UBR2: variants seen among roughly 807,000 people sequenced by gnomAD.
UBR2 encodes the protein ubiquitin protein ligase E3 component n-recognin 2, also known as E3 ubiquitin-protein ligase UBR2.
UBR2 carries 92 observed loss-of-function variants against 247.9 expected under a neutral mutation model. The observed-to-expected ratio is 0.37, with a 90% CI of 0.31 to 0.44. The LOEUF (loss-of-function observed/expected upper bound fraction) is 0.44. UBR2 is among the 20% of genes least tolerant of loss of function. The pLI, the probability that UBR2 is intolerant of heterozygous loss-of-function variation, is 1.00. For missense variants in UBR2, 1,613 were observed against 2,112.6 expected (o/e 0.76, Z 4.64); for synonymous variants, 672 against 693.5 (o/e 0.97, Z 0.49).
rs60082698 is a variant in UBR2 at position 42,593,652 on chromosome 6, G to A, written c.418-539G>A. 9.2e-3 allele frequency among the ~76,000 whole-genome samples: 1,393 copies of A among 152,168 alleles called. 19 individuals are homozygous for A. Among genetic ancestry groups the A allele is most frequent in the African/African-American group, 0.032 (1,329 of 41,506 alleles). Reference sequence around the variant, plus strand: ...GCAGGTGGTGAAAAGCTTTTATTAGGCAGTCTACTTTTGCATTTCCTGAGC... The same window carrying A: ...GCAGGTGGTGAAAAGCTTTTATTAGACAGTCTACTTTTGCATTTCCTGAGC... On this transcript the variant is annotated intron_variant, in intron 3 of 46. Transcript: ENST00000372901.
chr6:42,580,005 A>C (rs1315377983), intron 2 of UBR2, among the ~76,000 whole-genome samples: 3 of 151,354 alleles, frequency 2.0e-5, no homozygotes, highest in Non-Finnish European at 2.9e-5. Flanking sequence ...AGTTTATTTG[A>C]TTGACCTAAT....
At position 42,674,140 on chromosome 6, in the gene UBR2, G is replaced by A; in HGVS notation, c.4198G>A (p.Asp1400Asn). 6.2e-7 allele frequency: 1 copy of A among 1,613,770 alleles called. No individual in the cohort carries two copies. The highest frequency in any genetic ancestry group is 8.5e-7 in the Non-Finnish European group (1 of 1,179,944). The change falls in exon 38 of 47, where the codon GAC becomes AAC. Residue 1400 changes from aspartate to asparagine, a missense_variant. Physicochemically the swap from Asp to Asn is conservative, Grantham distance 23. This residue lies in a region of UBR2 where 1,524 missense variants were observed against 1,967.3 expected (regional missense o/e 0.77). Coordinates refer to ENST00000372901, the MANE Select transcript of UBR2 (RefSeq NM_001363705.2). ...CKLFASLVPN[D>N]SHEELPCILD... ...TAAATCTGTAGCACTGGTGCCTAAT[G>A]ACAGCCATGAGGAACTTCCATGCAT...
chr6:42,672,612 A>G (rs972291319), intron 36 of UBR2, among the ~76,000 whole-genome samples: 2 of 152,138 alleles, frequency 1.3e-5, no homozygotes, highest in African/African-American at 4.8e-5. Context: ...CCAGACTTGT[A>G]GAATCACTGC....
At position 42,640,261 on chromosome 6, in the gene UBR2, C is replaced by T; in HGVS notation, c.1911C>T (p.Leu637=). 6.2e-7 allele frequency: 1 copy of T among 1,606,824 alleles called. No individual in the cohort carries two copies. The highest frequency in any genetic ancestry group is 8.5e-7 in the Non-Finnish European group (1 of 1,177,510). ...AAGTGGCATATAAATTTCCAGAGCT[C>T]CTACCTCTAGTAAGTGGTGCTTACA... ...KSEVAYKFPE[L]LPLSELSPPM... Residue 637 remains leucine (L), a synonymous_variant, in exon 16 of 47, where the codon CTC becomes CTT. Coordinates refer to ENST00000372901, the MANE Select transcript of UBR2 (RefSeq NM_001363705.2).
chr6:42,632,479 T>C (rs1795809659), intron 11 of UBR2, 73 bp from the exon 12 acceptor site: 5 of 1,350,130 alleles, frequency 3.7e-6, no homozygotes, highest in Non-Finnish European at 4.9e-6. Flanking sequence ...TAAACAATGT[T>C]GGTGACTTTT....
intron 7 of UBR2, among the ~76,000 whole-genome samples, chr6:42,609,931 T>C (rs1195992335): frequency 1.3e-5 from 2 of 150,436 alleles, no homozygotes. Context: ...TGTTGATAGA[T>C]TTGAATAGAC....
At chr6:42,651,983 A>G (rs1330557963) in intron 23 of UBR2, 40 bp from the exon 24 acceptor site, 1 of 1,557,534 alleles carries the variant, frequency 6.4e-7, no homozygotes, top group South Asian at 1.2e-5. Context: ...GGTGGTGGGC[A>G]TTACTAATTC....
rs950759269 is a variant in UBR2, at chr6:42,659,428, G to A, written c.3243-228G>A. On this transcript the variant is annotated intron_variant, in intron 29 of 46. Transcript: ENST00000372901. This position sits in a 1 kb window ranked among gnomAD's most constrained non-coding sequence, Gnocchi z 4.3. ...AGTCAGGAGAATTGCTTGAACCTGC[G>A]AGGCGGAGGTTGCAGTGAGCCAAGA... Among the ~76,000 whole-genome samples the A allele has an allele frequency of 3.3e-5, 5 of 151,736 alleles. No homozygotes were observed. The highest frequency in any genetic ancestry group is 1.2e-4 in the African/African-American group (5 of 41,288).
Position 42,683,102 on chromosome 6 carries a change from A to G in UBR2, c.4766A>G (p.Asp1589Gly). 1 of 1,612,644 alleles carries G rather than the reference A, an allele frequency of 6.2e-7. No homozygotes were observed. ...EVKRYLEGER[D>G]AIRYPRESNK... is the part of the protein sequence containing the mutation. Reference sequence around the variant, plus strand: ...AAAAGATATCTAGAAGGTGAAAGAGATGCTATAAGGTAAGTTAAAGAGCCT... The same window carrying G: ...AAAAGATATCTAGAAGGTGAAAGAGGTGCTATAAGGTAAGTTAAAGAGCCT... The change falls in exon 43 of 47, where the codon GAT (aspartate) becomes GGT (glycine). Residue 1589 changes from aspartate to glycine, a missense_variant. Coordinates refer to ENST00000372901, the MANE Select transcript of UBR2 (RefSeq NM_001363705.2).
chr6:42,679,893 A>G, intron 42 of UBR2, 61 bp downstream of exon 42: 1 of 1,204,090 alleles, frequency 8.3e-7, no homozygotes, highest in Non-Finnish European at 1.2e-6. Flanking sequence ...AACTTTAGTT[A>G]TCACATATGT....
rs757049440 is a variant in UBR2, at chr6:42,588,233, C to T, written c.339-3918C>T. On this transcript the variant is annotated intron_variant, in intron 2 of 46. Coordinates refer to ENST00000372901, the MANE Select transcript of UBR2 (RefSeq NM_001363705.2). ...AGATATTATAAAGGATACAGAAGAA[C>T]AGCCAGATGGAAGAGACTTAATAGG... Among the ~76,000 whole-genome samples the T allele has an allele frequency of 7.0e-4, 106 of 152,222 alleles. 2 individuals carry two copies. The highest frequency in any genetic ancestry group is 3.4e-4 in the African/African-American group (14 of 41,454).
chr6:42,568,815 T>G (rs1790938299), intron 1 of UBR2, among the ~76,000 whole-genome samples: 2 of 152,238 alleles, frequency 1.3e-5, no homozygotes, highest in Non-Finnish European at 1.5e-5. Context: ...CAGAAGTGTT[T>G]TGGATTTTGG....
At chr6:42,569,129 C>T (rs946048520) in intron 1 of UBR2, among the ~76,000 whole-genome samples, 2 of 152,144 alleles carry the variant, frequency 1.3e-5, no homozygotes, top group African/African-American at 2.4e-5. Context: ...TTGCTGTGAA[C>T]ATTTTTTACA....
rs568656735 is a variant in UBR2, at chr6:42,616,140, C to G, written c.1182+50C>G. ...ATAGGTTATATATAGAGTAACTATG[C>G]CCATAATTATATCTAGGCTTCAAAA... On this transcript the variant is annotated intron_variant, in intron 10 of 46. Coordinates refer to ENST00000372901, the MANE Select transcript of UBR2 (RefSeq NM_001363705.2). The G allele has an allele frequency of 2.9e-5, 38 of 1,306,452 alleles. No individual in the cohort carries two copies. The South Asian group carries it at 5.0e-4, about 17-fold the overall frequency. 80.9% of individuals were successfully genotyped at this position (1,306,452 alleles called of 1,614,324 possible). A position where few individuals can be genotyped will look rare whatever the true frequency, so the allele number is the denominator to read the frequency against.
intron 34 of UBR2, among the ~76,000 whole-genome samples, 194 bp from the exon 35 acceptor site, chr6:42,669,898 C>A (rs978476693): frequency 6.6e-6 from 1 of 152,262 alleles, no homozygotes; most frequent in Middle Eastern, 3.4e-3. Context: ...CTGTGCCTCA[C>A]CCCTGCTAAG....
intron 13 of UBR2, among the ~76,000 whole-genome samples, 193 bp downstream of exon 13, chr6:42,633,097 TCTC>T (rs968231895): frequency 6.6e-6 from 1 of 151,794 alleles, no homozygotes; most frequent in Admixed American, 6.6e-5. Context: ...CTCTGGCAGT[TCTC>T]CTGCCTCAGC....
chr6:42,655,068 G>T (rs116714139), intron 25 of UBR2, among the ~76,000 whole-genome samples: 1,906 of 152,248 alleles, frequency 0.013, 35 homozygotes, highest in African/African-American at 0.042. Context: ...TGTAATTTTA[G>T]CTTACCCTGA....
At position 42,622,316 on chromosome 6, in the gene UBR2, G is replaced by A. The variant is rs570468510; in HGVS notation, c.1281+4809G>A. Among the ~76,000 whole-genome samples the A allele has an allele frequency of 3.9e-5, 6 of 151,998 alleles. No individual in the cohort carries two copies. The East Asian group carries it at 9.7e-4, about 24-fold the overall frequency. Reference sequence around the variant, plus strand: ...TTACAGGCGTGAGCCACTGCGCCTGGCCCCCATTCTTCTTTTGTTAGATTT... The same window carrying A: ...TTACAGGCGTGAGCCACTGCGCCTGACCCCCATTCTTCTTTTGTTAGATTT... On this transcript the variant is annotated intron_variant, in intron 11 of 46. Coordinates refer to ENST00000372901, the MANE Select transcript of UBR2 (RefSeq NM_001363705.2).
chr6:42,596,156 A>G (rs1478333153), intron 4 of UBR2, among the ~76,000 whole-genome samples: 1 of 149,442 alleles, frequency 6.7e-6, no homozygotes, highest in Non-Finnish European at 1.5e-5. Context: ...CTTACAACTC[A>G]GCAAGTAAAA....
Sources: gnomAD v4.1 joint callset for allele counts (sites outside exome capture counted in the v4.1 genomes callset) on GRCh38, gnomAD v4.1.1 for gene constraint, gnomAD v4.1.1 regional missense constraint, Gnocchi (gnomAD v3.1) non-coding constraint, MANE v1.5 for transcripts, NCBI Gene and HGNC (gene_info 2026-07-23, HGNC 2026-07-21) for gene names.